The following IKBKE variants were observed in gnomAD, a reference collection of about 807,000 sequenced individuals.
IKBKE encodes the protein inhibitor of nuclear factor kappa B kinase subunit epsilon.
A neutral mutation model predicts 92.1 loss-of-function variants in IKBKE; 45 were observed. The observed-to-expected ratio is 0.49, with a 90% CI of 0.38 to 0.63. IKBKE has a LOEUF of 0.63. IKBKE is among the 20% of genes least tolerant of loss of function. The pLI, the probability that IKBKE is intolerant of heterozygous loss-of-function variation, is 0.00. For synonymous variants in IKBKE, 374 were observed against 380.3 expected (o/e 0.98, Z 0.19); for missense variants, 700 against 932.8 (o/e 0.75, Z 3.25).
intron 18 of IKBKE, 165 bp downstream of exon 18, chr1:206,491,914 G>A (rs12096623): frequency 0.062 from 34,456 of 554,176 alleles, 4,448 homozygotes; most frequent in East Asian, 0.42. Context: ...CAGTTGGCTG[G>A]GAGATTTCTG....
chr1:206,481,397 C>A (rs568406866), intron 13 of IKBKE, among the ~76,000 whole-genome samples: 1 of 152,324 alleles, frequency 6.6e-6, no homozygotes, highest in East Asian at 1.9e-4. Flanking sequence ...TGCAGCCCCG[C>A]GTGCCTCCTG....
chr1:206,480,538 G>A lies in IKBKE; in HGVS notation c.1427+5G>A. 1 of 1,609,966 alleles carries A rather than the reference G, an allele frequency of 6.2e-7. No homozygotes were observed. The highest frequency in any genetic ancestry group is 8.5e-7 in the Non-Finnish European group (1 of 1,176,946). ...CAGCAGCCTGGGAACTGAGAGGTGG[G>A]TGTTCGCCTCAGGCCAGCTGGGACC... is the stretch of plus-strand genomic sequence containing the variant. On this transcript the variant is annotated splice_donor_5th_base_variant and intron_variant, in intron 13 of 21. Coordinates refer to ENST00000581977, the MANE Select transcript of IKBKE (RefSeq NM_014002.4).
chr1:206,483,481 G>A (rs1277117924), intron 13 of IKBKE, among the ~76,000 whole-genome samples: 4 of 152,204 alleles, frequency 2.6e-5, no homozygotes, highest in Non-Finnish European at 5.9e-5. Flanking sequence ...CGAGACGTAC[G>A]AGGAGCAAAG....
rs542145636 is a variant in IKBKE at position 206,487,905 on chromosome 1, T to G, written c.1617-9T>G. ...CTTCCAACACCTGGTCCCTGTCTCCTGCCCACAGCATCCAGCAGATTCAGT... is the reference window on the plus strand; with the variant it reads ...CTTCCAACACCTGGTCCCTGTCTCCGGCCCACAGCATCCAGCAGATTCAGT... On this transcript the variant is annotated splice_polypyrimidine_tract_variant and intron_variant, in intron 15 of 21. Transcript: ENST00000581977. This position sits in a 1 kb window ranked among gnomAD's most constrained non-coding sequence, Gnocchi z 5.3. 1 of 1,612,048 alleles carries G rather than the reference T, an allele frequency of 6.2e-7. No homozygotes were observed. The highest frequency in any genetic ancestry group is 8.5e-7 in the Non-Finnish European group (1 of 1,178,632).
chr1:206,472,686 C>A (rs571401581), intron 2 of IKBKE, among the ~76,000 whole-genome samples: 21 of 152,306 alleles, frequency 1.4e-4, no homozygotes, highest in African/African-American at 4.8e-4. Context: ...AGTGGTGGGC[C>A]TGGCAGGCAG....
chr1:206,471,920 G>C (rs572414988), intron 2 of IKBKE, among the ~76,000 whole-genome samples: 1 of 152,210 alleles, frequency 6.6e-6, no homozygotes, highest in Non-Finnish European at 1.5e-5. Context: ...GTTAGAACAC[G>C]AAGATGCCTT....
chr1:206,470,594 G>T lies in IKBKE; in HGVS notation c.-227G>T, dbSNP rs1281017890. 6.6e-6 allele frequency: 1 copy of T among 152,262 alleles called. No homozygotes were observed. Among genetic ancestry groups the T allele is most frequent in the Non-Finnish European group, 1.5e-5 (1 of 68,082 alleles). 9.4% of individuals were successfully genotyped at this position (152,262 alleles called of 1,614,324 possible). On this transcript the variant is annotated 5_prime_UTR_variant, in exon 1 of 22. Transcript: ENST00000581977. ...TGCCTGTGGGTCCTAGGGGCCCTTG[G>T]CTACCAGGAGGCTAAGAACACTGCT... is the stretch of plus-strand genomic sequence containing the variant.
rs1462249500 is a variant in IKBKE at position 206,474,744 on chromosome 1, G to T, written c.229-121G>T. 1.4e-5 allele frequency: 17 copies of T among 1,225,636 alleles called. No homozygotes were observed. In the Admixed American group the frequency reaches 2.3e-4, roughly 17 times the overall value. The allele number at this position is 1,225,636 out of a possible 1,614,324, so 75.9% of individuals were successfully genotyped here. Reference sequence around the variant, plus strand: ...ATCAGTGTGAGGCCAAGGAGGGAAGGCCAGGCCAGAAGCTGGGACCTGGAG... The same window carrying T: ...ATCAGTGTGAGGCCAAGGAGGGAAGTCCAGGCCAGAAGCTGGGACCTGGAG... On this transcript the variant is annotated intron_variant, in intron 4 of 21. Coordinates refer to ENST00000581977, the MANE Select transcript of IKBKE (RefSeq NM_014002.4).
At chr1:206,482,425 C>G (rs569066705) in intron 13 of IKBKE, among the ~76,000 whole-genome samples, 1 of 152,212 alleles carries the variant, frequency 6.6e-6, no homozygotes, top group Admixed American at 6.5e-5. Context: ...CCTGGATGGA[C>G]AGGCATGGTG....
chr1:206,491,831 C>T (rs962426290), intron 18 of IKBKE, 82 bp downstream of exon 18: 67 of 991,600 alleles, frequency 6.8e-5, no homozygotes, highest in Middle Eastern at 4.6e-4. Context: ...CTTTGTGGAG[C>T]CCTGAGGCAG....
At chr1:206,473,450 T>C (rs1553384341) in intron 3 of IKBKE, 136 bp downstream of exon 3, 3 of 642,274 alleles carry the variant, frequency 4.7e-6, no homozygotes, top group South Asian at 4.1e-5. Flanking sequence ...AGCACACTCA[T>C]ACTGTGGGTT....
chr1:206,491,391 CAT>C, intron 17 of IKBKE: 2 of 434,970 alleles, frequency 4.6e-6, no homozygotes, highest in Non-Finnish European at 8.6e-6. Context: ...AGCTTGAGCA[CAT>C]GTGTGTTCCC....
In IKBKE at chr1:206,474,471, G is replaced by A. The variant is rs782138160; in HGVS notation, c.228G>A (p.Thr76=). 10 of 1,611,980 alleles carry A rather than the reference G, an allele frequency of 6.2e-6. No individual in the cohort carries two copies. The highest frequency in any genetic ancestry group is 8.5e-6 in the Non-Finnish European group (10 of 1,178,858). ...NIVKLFAVEE[T]GGSRQKVLVM... is the part of the protein sequence containing the mutation. ...TCAAGCTCTTTGCGGTGGAGGAGAC[G>A]GTAGGTCCGGTGCTTGGTCAGAGAA... is the stretch of plus-strand genomic sequence containing the variant. Residue 76 remains threonine, a splice_region_variant and synonymous_variant, in exon 4 of 22, where the codon ACG becomes ACA. Coordinates refer to ENST00000581977, the MANE Select transcript of IKBKE (RefSeq NM_014002.4).
rs929579979 is a variant in IKBKE at position 206,485,373 on chromosome 1, C to T, written c.1616+67C>T. The T allele has an allele frequency of 3.2e-6, 3 of 937,928 alleles. No homozygotes were observed. Among genetic ancestry groups the T allele is most frequent in the Admixed American group, 3.7e-5 (2 of 53,924 alleles). The allele number at this position is 937,928 out of a possible 1,614,324, so 58.1% of individuals were successfully genotyped here. A position where few individuals can be genotyped will look rare whatever the true frequency, so the allele number is the denominator to read the frequency against. ...GTGGGCAGCTCCAAAGGTCCAGTAACCTTTAGCCTTTTAGACGTCAGCTTG... is the reference window on the plus strand; with the variant it reads ...GTGGGCAGCTCCAAAGGTCCAGTAATCTTTAGCCTTTTAGACGTCAGCTTG... On this transcript the variant is annotated intron_variant, in intron 15 of 21. Transcript: ENST00000581977. The surrounding 1 kb of genome is among the most constrained non-coding windows in gnomAD (Gnocchi z 5.0).
At chr1:206,474,651 G>T (rs1259847460) in intron 4 of IKBKE, among the ~76,000 whole-genome samples, 180 bp downstream of exon 4, 1 of 152,146 alleles carries the variant, frequency 6.6e-6, no homozygotes, top group Admixed American at 6.5e-5. Context: ...GGAAAGGAAC[G>T]ATGGACAGAA....
chr1:206,476,959 C>T lies in IKBKE; in HGVS notation c.701+121C>T. 1.9e-6 allele frequency: 2 copies of T among 1,035,756 alleles called. No individual in the cohort carries two copies. Among genetic ancestry groups the T allele is most frequent in the Non-Finnish European group, 1.4e-6 (1 of 709,092 alleles). The allele number at this position is 1,035,756 out of a possible 1,614,324, so 64.2% of individuals were successfully genotyped here. On this transcript the variant is annotated intron_variant, in intron 7 of 21. Coordinates refer to ENST00000581977, the MANE Select transcript of IKBKE (RefSeq NM_014002.4). The surrounding 1 kb of genome is among the most constrained non-coding windows in gnomAD (Gnocchi z 5.1). ...CCATGGCCCTCCTCTGGTCCACCCC[C>T]CAACCCAGGCTCTTTGTAGATCTTT...
rs782798017 is a variant in IKBKE at position 206,490,050 on chromosome 1, C to T, written c.1694-769C>T. ...AGGCTCAGCGAAGTGAAATCACTCG[C>T]CTAGTGCCGCCTGCCAACAGGAGGA... is the stretch of plus-strand genomic sequence containing the variant. On this transcript the variant is annotated intron_variant, in intron 16 of 21. Coordinates refer to ENST00000581977, the MANE Select transcript of IKBKE (RefSeq NM_014002.4). This position sits in a 1 kb window ranked among gnomAD's most constrained non-coding sequence, Gnocchi z 5.2. Among the ~76,000 whole-genome samples, 6 of 152,164 alleles carry T rather than the reference C, an allele frequency of 3.9e-5. No individual in the cohort carries two copies. The highest frequency in any genetic ancestry group is 8.8e-5 in the Non-Finnish European group (6 of 68,036).
chr1:206,479,979 G>T (rs1665284650), intron 11 of IKBKE, 43 bp from the exon 12 acceptor site: 1 of 1,612,930 alleles, frequency 6.2e-7, no homozygotes, highest in Non-Finnish European at 8.5e-7. Flanking sequence ...TGACCCAAGG[G>T]TAGGAGGTGT....
In IKBKE at chr1:206,479,856, G is replaced by A. The variant is rs782660796; in HGVS notation, c.1184-14G>A. ...CATACAGGCAGGCCCCTCAGACAGG[G>A]TCTTTGTCTGCAGCTGCTCTGGACG... On this transcript the variant is annotated splice_polypyrimidine_tract_variant and intron_variant, in intron 10 of 21. Transcript: ENST00000581977. 4 of 1,613,554 alleles carry A rather than the reference G, an allele frequency of 2.5e-6. No individual in the cohort carries two copies. In the African/African-American group the frequency reaches 4.0e-5, roughly 16 times the overall value.
Sources: allele counts gnomAD v4.1 joint callset (sites outside exome capture counted in the v4.1 genomes callset), GRCh38; gene constraint gnomAD v4.1.1; non-coding constraint Gnocchi (gnomAD v3.1); transcripts MANE v1.5; gene names NCBI Gene and HGNC (gene_info 2026-07-23, HGNC 2026-07-21).